Variants in HCN1 observed in about 807,000 individuals in gnomAD.
The protein encoded by HCN1 is potassium/sodium hyperpolarization-activated cyclic nucleotide-gated channel 1.
Under a neutral mutation model 78.9 loss-of-function variants are expected in HCN1, and 13 were observed. The ratio of observed to expected loss-of-function variants is 0.16; its 90% confidence interval spans 0.11 to 0.26. HCN1 has a LOEUF of 0.26. Among genes scored for constraint, HCN1 ranks in the 10% least tolerant of loss-of-function variants. The probability of loss-of-function intolerance (pLI) is 1.00; values close to 1 mark genes in which losing one functional copy is unlikely to be tolerated. For missense variants in HCN1, 810 were observed against 1,154.3 expected (o/e 0.70, Z 4.32); for synonymous variants, 552 against 455.5 (o/e 1.21, Z -2.70).
At chr5:45,622,928 G>A (rs1441313842) in intron 2 of HCN1, among the ~76,000 whole-genome samples, 1 of 152,118 alleles carries the variant, frequency 6.6e-6, no homozygotes, top group Non-Finnish European at 1.5e-5. Flanking sequence ...CTTCCATTAA[G>A]TGATGGCACT....
intron 4 of HCN1, among the ~76,000 whole-genome samples, chr5:45,388,137 C>T (rs1468800810): frequency 6.6e-6 from 1 of 152,102 alleles, no homozygotes; most frequent in Admixed American, 6.6e-5. Context: ...TACTCCACTG[C>T]CCATTCAAAA....
chr5:45,527,641 C>T (rs960885124), intron 2 of HCN1, among the ~76,000 whole-genome samples: 12 of 151,542 alleles, frequency 7.9e-5, no homozygotes, highest in African/African-American at 2.9e-4. Flanking sequence ...CTCTCTCTCA[C>T]ACACTGACAT....
chr5:45,280,063 A>C (rs1745129118), intron 6 of HCN1, among the ~76,000 whole-genome samples: 1 of 152,140 alleles, frequency 6.6e-6, no homozygotes, highest in Admixed American at 6.6e-5. Flanking sequence ...GGACAAGAAA[A>C]TTCTACTCAT....
chr5:45,562,881 C>T (rs893448778), intron 2 of HCN1, among the ~76,000 whole-genome samples: 3 of 152,030 alleles, frequency 2.0e-5, no homozygotes, highest in Admixed American at 6.6e-5. Flanking sequence ...TAATAAAAGG[C>T]AACATTAATT....
chr5:45,539,623 CCA>C (rs1295551067), intron 2 of HCN1, among the ~76,000 whole-genome samples: 1 of 150,392 alleles, frequency 6.6e-6, no homozygotes, highest in Non-Finnish European at 1.5e-5. Flanking sequence ...TGAGATCGTG[CCA>C]CTGCACTCCA....
At chr5:45,317,069 T>A (rs545304675) in intron 5 of HCN1, among the ~76,000 whole-genome samples, 1 of 152,188 alleles carries the variant, frequency 6.6e-6, no homozygotes, top group East Asian at 1.9e-4. Flanking sequence ...AAAACTACTT[T>A]AAAGTTCATA....
chr5:45,331,524 G>A (rs1360494711), intron 5 of HCN1, among the ~76,000 whole-genome samples: 1 of 150,848 alleles, frequency 6.6e-6, no homozygotes, highest in Non-Finnish European at 1.5e-5. Context: ...TTTCATTTTA[G>A]ACTTATTAAT....
chr5:45,510,195 G>A (rs1339006152), intron 2 of HCN1, among the ~76,000 whole-genome samples: 2 of 152,062 alleles, frequency 1.3e-5, no homozygotes, highest in African/African-American at 2.4e-5. Context: ...ATGAAGGAGT[G>A]ACTAACACCA....
chr5:45,516,583 T>C (rs954744385), intron 2 of HCN1, among the ~76,000 whole-genome samples: 1 of 151,946 alleles, frequency 6.6e-6, no homozygotes, highest in African/African-American at 2.4e-5. Context: ...TAGATATATT[T>C]TTGTAACTCT....
intron 2 of HCN1, among the ~76,000 whole-genome samples, chr5:45,581,828 T>C (rs1483867078): frequency 3.3e-5 from 5 of 152,194 alleles, no homozygotes; most frequent in Non-Finnish European, 5.9e-5. Context: ...ATCAGATAGT[T>C]GTAGATATGC....
rs1236410521 is a variant in HCN1 at position 45,462,136 on chromosome 5, AG to A, written c.850-130del. 7 of 723,780 alleles carry A rather than the reference AG, an allele frequency of 9.7e-6. No homozygotes were observed. In the African/African-American group the frequency reaches 1.2e-4, roughly 13 times the overall value. 44.8% of individuals were successfully genotyped at this position (723,780 alleles called of 1,614,324 possible). On this transcript the variant is annotated intron_variant, in intron 2 of 7. Coordinates refer to ENST00000303230, the MANE Select transcript of HCN1 (RefSeq NM_021072.4). ...TAATAAAAATATGGGAATAACTTGC[AG>A]AAATAGAAACAGATTACATTTCTTT...
At chr5:45,630,538 G>T (rs1745253934) in intron 2 of HCN1, among the ~76,000 whole-genome samples, 1 of 152,098 alleles carries the variant, frequency 6.6e-6, no homozygotes, top group Admixed American at 6.6e-5. Flanking sequence ...ATTTCTTATT[G>T]TCCTCAGGGA....
chr5:45,490,742 A>C (rs1180627991), intron 2 of HCN1, among the ~76,000 whole-genome samples: 1 of 152,134 alleles, frequency 6.6e-6, no homozygotes, highest in Non-Finnish European at 1.5e-5. Context: ...ATGTACTCAC[A>C]ATTTTTTTAA....
chr5:45,452,542 A>C (rs1190469742), intron 3 of HCN1, among the ~76,000 whole-genome samples: 1 of 151,686 alleles, frequency 6.6e-6, no homozygotes, highest in Non-Finnish European at 1.5e-5. Context: ...TAGTTTTCCT[A>C]TCCTCTCCCT....
At chr5:45,274,511 C>T (rs1003470203) in intron 6 of HCN1, among the ~76,000 whole-genome samples, 2 of 152,066 alleles carry the variant, frequency 1.3e-5, no homozygotes, top group Non-Finnish European at 1.5e-5. Flanking sequence ...TAAAACAGTG[C>T]CTATAAAGAG....
intron 2 of HCN1, among the ~76,000 whole-genome samples, chr5:45,549,182 T>C (rs1169998132): frequency 1.3e-5 from 2 of 152,154 alleles, no homozygotes; most frequent in African/African-American, 4.8e-5. Context: ...AGAGTCTGCA[T>C]TGCCATGTCA....
chr5:45,372,726 C>T (rs1027234186), intron 4 of HCN1, among the ~76,000 whole-genome samples: 9 of 138,646 alleles, frequency 6.5e-5, no homozygotes, highest in Non-Finnish European at 1.1e-4. Flanking sequence ...AAAATATATA[C>T]GTATTTATAT....
At position 45,262,119 on chromosome 5, in the gene HCN1, C is replaced by G. The variant is rs753637793; in HGVS notation, c.2475G>C (p.Thr825=). ...IPQPVTAVPG[T]GLQAGGRSTV... ...TGCTCCTGCCCCCTGCCTGAAGGCC[C>G]GTTCCGGGGACCGCCGTCACGGGTT... The change falls in exon 8 of 8, where the codon ACG becomes ACC. Residue 825 remains threonine, a synonymous_variant. Transcript: ENST00000303230. 7.4e-6 allele frequency: 12 copies of G among 1,612,592 alleles called. No individual in the cohort carries two copies. Among genetic ancestry groups the G allele is most frequent in the South Asian group, 2.2e-5 (2 of 91,068 alleles).
At chr5:45,370,465 C>T (rs972096325) in intron 4 of HCN1, among the ~76,000 whole-genome samples, 1 of 152,016 alleles carries the variant, frequency 6.6e-6, no homozygotes, top group African/African-American at 2.4e-5. Context: ...AGCACATATA[C>T]ACCTTGTTTC....
Sources: allele counts gnomAD v4.1 joint callset (sites outside exome capture counted in the v4.1 genomes callset), GRCh38; gene constraint gnomAD v4.1.1; transcripts MANE v1.5; gene names NCBI Gene and HGNC (gene_info 2026-07-23, HGNC 2026-07-21).